Variants in PDE1C observed in about 807,000 individuals in gnomAD.
PDE1C encodes the protein dual specificity calcium/calmodulin-dependent 3',5'-cyclic nucleotide phosphodiesterase 1C.
A neutral mutation model predicts 93.1 loss-of-function variants in PDE1C; 62 were observed. That is an observed-to-expected ratio of 0.67 (90% CI 0.54 to 0.82). PDE1C has a LOEUF of 0.82. PDE1C is among the 40% of genes least tolerant of loss of function. The pLI, the probability that PDE1C is intolerant of heterozygous loss-of-function variation, is 0.00. For synonymous variants in PDE1C, 325 were observed against 310.1 expected, an observed-to-expected ratio of 1.05 and a Z score of -0.50; for missense variants, 742 against 884.6, an observed-to-expected ratio of 0.84 and a Z score of 2.04.
chr7:31,688,452 C>A, the PDE1C span, among the ~76,000 whole-genome samples: 6 of 152,212 alleles, frequency 3.9e-5, no homozygotes, highest in Non-Finnish European at 7.3e-5. Flanking sequence ...AAATCCAGAC[C>A]AGCTTCTGAC....
At chr7:32,367,727 G>T (rs927338532) in intron 1 of PDE1C, among the ~76,000 whole-genome samples, 1 of 152,086 alleles carries the variant, frequency 6.6e-6, no homozygotes. Flanking sequence ...AGGATTGCTT[G>T]AGGCCAGGAG....
chr7:32,028,868 A>C (rs74740155), intron 2 of PDE1C, among the ~76,000 whole-genome samples: 1 of 152,208 alleles, frequency 6.6e-6, no homozygotes, highest in African/African-American at 2.4e-5. Flanking sequence ...CAGCCTCTGT[A>C]GCCACCATTC....
chr7:32,105,701 C>CTTTTTT (rs11313586), intron 3 of PDE1C, among the ~76,000 whole-genome samples: 15 of 134,026 alleles, frequency 1.1e-4, no homozygotes, highest in South Asian at 2.4e-4. Context: ...CCACATCTGA[C>CTTTTTT]TTTTTTTTTT....
At chr7:31,640,702 A>T in the PDE1C span, among the ~76,000 whole-genome samples, 2 of 152,046 alleles carry the variant, frequency 1.3e-5, no homozygotes, top group Non-Finnish European at 2.9e-5. Context: ...TAGGAGGAAA[A>T]ATCTAGTCCC....
chr7:31,864,839 A>G (rs1188657495), intron 7 of PDE1C, 103 bp downstream of exon 7: 1 of 1,088,856 alleles, frequency 9.2e-7, no homozygotes, highest in South Asian at 1.5e-5. Flanking sequence ...CCATAAAACA[A>G]TGCATGACTC....
At position 31,893,587 on chromosome 7, in the gene PDE1C, TA is replaced by T. The variant is rs567660754; in HGVS notation, c.129-12728del. 6.2e-5 allele frequency: 44 copies of T among 711,430 alleles called. No individual in the cohort carries two copies. In the Admixed American group the frequency reaches 9.4e-4, roughly 15 times the overall value. The allele number at this position is 711,430 out of a possible 1,614,324, so 44.1% of individuals were successfully genotyped here. A position where few individuals can be genotyped will look rare whatever the true frequency, so the allele number is the denominator to read the frequency against. On this transcript the variant is annotated intron_variant, in intron 2 of 17. Transcript: ENST00000396191. ...AAATAGCTCTGGCTTTCTCTGTGGT[TA>T]AAAATATGAGCTTGATATCGCTCAG... is the stretch of plus-strand genomic sequence containing the variant.
chr7:31,969,140 T>C (rs181819696), intron 2 of PDE1C, among the ~76,000 whole-genome samples: 2 of 152,214 alleles, frequency 1.3e-5, no homozygotes, highest in East Asian at 3.9e-4. Flanking sequence ...TGGGATCTGA[T>C]TATACTAAAG....
intron 1 of PDE1C, among the ~76,000 whole-genome samples, chr7:32,317,364 C>T (rs1205714296): frequency 2.0e-5 from 3 of 152,040 alleles, no homozygotes; most frequent in African/African-American, 7.2e-5. Context: ...GATACTGAGG[C>T]CCAGCCCCAG....
intron 1 of PDE1C, among the ~76,000 whole-genome samples, chr7:32,275,451 T>A (rs1811218567): frequency 6.6e-6 from 1 of 152,184 alleles, no homozygotes; most frequent in African/African-American, 2.4e-5. Context: ...ACTCTCTCCA[T>A]GGCCTATACT....
intron 16 of PDE1C, among the ~76,000 whole-genome samples, chr7:31,794,692 T>G (rs1280124674): frequency 6.6e-6 from 1 of 151,940 alleles, no homozygotes; most frequent in East Asian, 1.9e-4. Flanking sequence ...CTACAACTCC[T>G]CTGATGATAA....
chr7:32,193,642 T>A (rs993749315), intron 2 of PDE1C, among the ~76,000 whole-genome samples: 3 of 152,192 alleles, frequency 2.0e-5, no homozygotes, highest in South Asian at 2.1e-4. Flanking sequence ...AGTTTTGACA[T>A]CAAGACAATG....
chr7:31,966,176 G>C (rs1809925298), intron 2 of PDE1C, among the ~76,000 whole-genome samples: 1 of 152,160 alleles, frequency 6.6e-6, no homozygotes. Flanking sequence ...ACTGGATAAA[G>C]AGTCAAGACC....
intron 16 of PDE1C, chr7:31,784,981 C>T (rs908185412): frequency 6.6e-6 from 1 of 152,102 alleles, no homozygotes; most frequent in South Asian, 2.1e-4. Context: ...AATTCTACTC[C>T]AAGATAGGTC....
intron 1 of PDE1C, among the ~76,000 whole-genome samples, chr7:32,362,251 A>G (rs1419842636): frequency 6.6e-6 from 1 of 152,094 alleles, no homozygotes; most frequent in East Asian, 1.9e-4. Context: ...TGGTGGTTGT[A>G]CATGTGTGGG....
At chr7:32,153,424 G>A (rs1241814766) in intron 3 of PDE1C, among the ~76,000 whole-genome samples, 4 of 152,106 alleles carry the variant, frequency 2.6e-5, no homozygotes, top group Non-Finnish European at 5.9e-5. Flanking sequence ...AAGAAACGGT[G>A]ACCTACAGAG....
At chr7:31,682,537 G>T in the PDE1C span, among the ~76,000 whole-genome samples, 1 of 152,172 alleles carries the variant, frequency 6.6e-6, no homozygotes, top group African/African-American at 2.4e-5. Flanking sequence ...ATGAAAAATG[G>T]CCAGGCCGCT....
the PDE1C span, among the ~76,000 whole-genome samples, chr7:31,690,613 T>C: frequency 1.3e-5 from 2 of 152,214 alleles, no homozygotes; most frequent in Admixed American, 6.5e-5. Flanking sequence ...AGATTTAAAC[T>C]AGGTCTATTT....
intron 2 of PDE1C, among the ~76,000 whole-genome samples, chr7:32,000,822 T>C (rs73316315): frequency 0.048 from 7,359 of 152,294 alleles, 631 homozygotes; most frequent in African/African-American, 0.17. Flanking sequence ...CCCCACACCA[T>C]TTCATATGGA....
intron 17 of PDE1C, among the ~76,000 whole-genome samples, chr7:31,767,378 A>G (rs1795210507): frequency 1.3e-5 from 2 of 152,042 alleles, no homozygotes; most frequent in Non-Finnish European, 2.9e-5. Context: ...TGTTCTCATG[A>G]TATTGAGTGA....
Sources: allele counts gnomAD v4.1 joint callset (sites outside exome capture counted in the v4.1 genomes callset), GRCh38; gene constraint gnomAD v4.1.1; transcripts MANE v1.5; gene names NCBI Gene and HGNC (gene_info 2026-07-23, HGNC 2026-07-21).